The following TMEM132D variants were observed in gnomAD, a reference collection of about 807,000 sequenced individuals.
TMEM132D encodes mature OL transmembrane protein.
TMEM132D carries 21 observed loss-of-function variants against 62.3 expected under a neutral mutation model. That is an observed-to-expected ratio of 0.34 (90% CI 0.24 to 0.49). The LOEUF (loss-of-function observed/expected upper bound fraction) is 0.49. Among genes scored for constraint, TMEM132D ranks in the 20% least tolerant of loss-of-function variants. The probability of loss-of-function intolerance (pLI) is 0.99; values close to 1 mark genes in which losing one functional copy is unlikely to be tolerated. For missense variants in TMEM132D, 1,346 were observed against 1,402.8 expected (o/e 0.96, Z 0.65); for synonymous variants, 621 against 575.6 (o/e 1.08, Z -1.13).
chr12:129,832,915 A>G (rs1253279284), intron 1 of TMEM132D, among the ~76,000 whole-genome samples: 2 of 152,174 alleles, frequency 1.3e-5, no homozygotes, highest in South Asian at 2.1e-4. Flanking sequence ...CTTGCTAAGA[A>G]CTAGCAAACT....
Position 129,094,114 on chromosome 12 carries a change from G to C in TMEM132D, c.1444-9412C>G, listed in dbSNP as rs573219078. ...CCTAGGCTTTACCATTCAGGACATA[G>C]GCATGGGCAAGGACTTCATGTCTAA... is the stretch of plus-strand genomic sequence containing the variant. On this transcript the variant is annotated intron_variant, in intron 5 of 8. Transcript: ENST00000422113. Among the ~76,000 whole-genome samples the C allele has an allele frequency of 5.9e-5, 9 of 152,224 alleles. No homozygotes were observed. In the East Asian group the frequency reaches 1.5e-3, roughly 26 times the overall value.
chr12:129,224,749 T>C (rs1879435941), intron 4 of TMEM132D, among the ~76,000 whole-genome samples: 1 of 152,088 alleles, frequency 6.6e-6, no homozygotes, highest in Admixed American at 6.6e-5. Flanking sequence ...CTATTAAAAA[T>C]ACAAAATTAG....
chr12:129,186,951 A>C (rs1177445016), intron 5 of TMEM132D, among the ~76,000 whole-genome samples: 3 of 152,244 alleles, frequency 2.0e-5, no homozygotes, highest in Non-Finnish European at 2.9e-5. Flanking sequence ...GGTAAATCAT[A>C]AATTTCTAAC....
At chr12:129,557,517 C>T (rs927031278) in intron 2 of TMEM132D, among the ~76,000 whole-genome samples, 2 of 152,092 alleles carry the variant, frequency 1.3e-5, no homozygotes, top group African/African-American at 2.4e-5. Flanking sequence ...GAGTTCAAGA[C>T]TAGCCTGGGC....
At chr12:129,506,739 C>G (rs959886263) in intron 3 of TMEM132D, among the ~76,000 whole-genome samples, 1 of 152,110 alleles carries the variant, frequency 6.6e-6, no homozygotes, top group Admixed American at 6.6e-5. Context: ...AATCTAAGAC[C>G]TGGAACTACA....
At chr12:129,662,692 C>A (rs577708079) in intron 2 of TMEM132D, among the ~76,000 whole-genome samples, 21 of 148,892 alleles carry the variant, frequency 1.4e-4, no homozygotes, top group African/African-American at 5.2e-4. Context: ...AATCAGGAGG[C>A]TGAGGCAGGA....
At chr12:129,375,705 T>G (rs1362112967) in intron 3 of TMEM132D, among the ~76,000 whole-genome samples, 1 of 152,112 alleles carries the variant, frequency 6.6e-6, no homozygotes, top group East Asian at 1.9e-4. Flanking sequence ...ACAGCAAATA[T>G]ATACCATGAC....
At chr12:129,652,466 C>T (rs1396997693) in intron 2 of TMEM132D, among the ~76,000 whole-genome samples, 3 of 152,146 alleles carry the variant, frequency 2.0e-5, no homozygotes, top group Non-Finnish European at 4.4e-5. Flanking sequence ...CAGCTGACCT[C>T]AAGATAAAGA....
At chr12:129,291,836 G>T (rs1440407459) in intron 4 of TMEM132D, among the ~76,000 whole-genome samples, 3 of 152,156 alleles carry the variant, frequency 2.0e-5, no homozygotes, top group Admixed American at 6.5e-5. Context: ...TCTGTTCTAA[G>T]CAGAGGCTAG....
rs937940182 is a variant in TMEM132D at position 129,329,825 on chromosome 12, C to T, written c.1299+7809G>A. On this transcript the variant is annotated intron_variant, in intron 4 of 8. Coordinates refer to ENST00000422113, the MANE Select transcript of TMEM132D (RefSeq NM_133448.3). ...GGATGTAACACAAACCAGGAGAATA[C>T]GTGTGCCAGGAGAATACATCCCAAA... is the stretch of plus-strand genomic sequence containing the variant. Among the ~76,000 whole-genome samples the T allele has an allele frequency of 7.2e-5, 11 of 152,144 alleles. No homozygotes were observed. The East Asian group carries it at 1.2e-3, about 16-fold the overall frequency.
intron 3 of TMEM132D, among the ~76,000 whole-genome samples, chr12:129,452,763 A>G (rs1873336317): frequency 6.6e-6 from 1 of 152,130 alleles, no homozygotes; most frequent in African/African-American, 2.4e-5. Context: ...AAATTTGCAG[A>G]TTTTTCTGCC....
chr12:129,704,692 G>A (rs113971808), intron 1 of TMEM132D, among the ~76,000 whole-genome samples: 1 of 146,374 alleles, frequency 6.8e-6, no homozygotes, highest in African/African-American at 2.4e-5. Context: ...CGGGTCATAT[G>A]GTAACATGCA....
At chr12:129,344,127 C>G (rs1452607291) in intron 3 of TMEM132D, among the ~76,000 whole-genome samples, 1 of 152,134 alleles carries the variant, frequency 6.6e-6, no homozygotes, top group Non-Finnish European at 1.5e-5. Flanking sequence ...TGTCCTTTCG[C>G]CACTTTACTT....
intron 2 of TMEM132D, among the ~76,000 whole-genome samples, chr12:129,676,764 C>A (rs1880641589): frequency 6.6e-6 from 1 of 152,284 alleles, no homozygotes; most frequent in South Asian, 2.1e-4. Flanking sequence ...GGACAAACAT[C>A]CAAACTGTAT....
intron 1 of TMEM132D, among the ~76,000 whole-genome samples, chr12:129,807,459 C>T (rs1035724991): frequency 2.6e-5 from 4 of 152,220 alleles, no homozygotes; most frequent in Admixed American, 1.3e-4. Context: ...ATCCCCACCA[C>T]GGCCCGAGTC....
intron 1 of TMEM132D, among the ~76,000 whole-genome samples, chr12:129,842,927 T>A (rs1399801335): frequency 6.6e-6 from 1 of 152,228 alleles, no homozygotes; most frequent in East Asian, 1.9e-4. Flanking sequence ...GCTTTCCACT[T>A]ATATTAGTTA....
intron 1 of TMEM132D, among the ~76,000 whole-genome samples, chr12:129,840,910 G>T (rs536477906): frequency 7.7e-4 from 118 of 152,356 alleles, no homozygotes; most frequent in African/African-American, 2.7e-3. Flanking sequence ...AGCATGAAAT[G>T]CTTAATAATT....
intron 4 of TMEM132D, among the ~76,000 whole-genome samples, chr12:129,222,154 A>C (rs977858471): frequency 3.3e-5 from 5 of 152,182 alleles, no homozygotes; most frequent in African/African-American, 9.7e-5. Context: ...ACCTTTGGGG[A>C]GGCAGCAAGA....
At chr12:129,896,135 C>T (rs1875117173) in intron 1 of TMEM132D, among the ~76,000 whole-genome samples, 1 of 124,958 alleles carries the variant, frequency 8.0e-6, no homozygotes, top group Non-Finnish European at 1.6e-5. Flanking sequence ...GCACCTGGCT[C>T]ATTTTTTTTG....
Sources: allele counts gnomAD v4.1 joint callset (sites outside exome capture counted in the v4.1 genomes callset), GRCh38; gene constraint gnomAD v4.1.1; transcripts MANE v1.5; gene names NCBI Gene and HGNC (gene_info 2026-07-23, HGNC 2026-07-21).